VPS8: variants seen among roughly 807,000 people sequenced by gnomAD.
VPS8 encodes the protein vacuolar protein sorting-associated protein 8 homolog.
Under a neutral mutation model 216.4 loss-of-function variants are expected in VPS8, and 129 were observed. The ratio of observed to expected loss-of-function variants is 0.60; its 90% CI spans 0.52 to 0.69. The LOEUF (loss-of-function observed/expected upper bound fraction) is 0.69. Among genes scored for constraint, VPS8 ranks in the 30% least tolerant of loss-of-function variants. VPS8 has a pLI of 0.00. For synonymous variants in VPS8, 571 were observed against 565.4 expected, an observed-to-expected ratio of 1.01 and a Z score of -0.14; for missense variants, 1,531 against 1,683.5, an observed-to-expected ratio of 0.91 and a Z score of 1.59.
At chr3:184,814,853 TTA>T (rs1715963645) in intron 1 of VPS8, among the ~76,000 whole-genome samples, 1 of 152,270 alleles carries the variant, frequency 6.6e-6, no homozygotes, top group South Asian at 2.1e-4. Context: ...AATGTAACTT[TTA>T]TGTTATAAAC....
At chr3:184,820,832 A>G (rs1254226969) in intron 1 of VPS8, among the ~76,000 whole-genome samples, 1 of 152,256 alleles carries the variant, frequency 6.6e-6, no homozygotes, top group Non-Finnish European at 1.5e-5. Context: ...ACATGATTTT[A>G]GAATGAGTTA....
chr3:184,929,296 C>T (rs1740252357), intron 32 of VPS8, among the ~76,000 whole-genome samples: 1 of 152,158 alleles, frequency 6.6e-6, no homozygotes, highest in Non-Finnish European at 1.5e-5. Context: ...TGGTCTCAAG[C>T]AATCCTCCTG....
intron 45 of VPS8, among the ~76,000 whole-genome samples, chr3:185,014,886 G>A (rs935601212): frequency 1.1e-4 from 16 of 152,182 alleles, no homozygotes; most frequent in African/African-American, 2.4e-4. Context: ...GCCCATCACC[G>A]CAAAACACTG....
chr3:184,818,315 T>C (rs1263190303), intron 1 of VPS8, among the ~76,000 whole-genome samples: 3 of 152,054 alleles, frequency 2.0e-5, no homozygotes, highest in Non-Finnish European at 4.4e-5. Flanking sequence ...TCAGATGGCT[T>C]GAGCCCAGGA....
intron 42 of VPS8, among the ~76,000 whole-genome samples, chr3:184,988,438 C>T (rs560482687): frequency 6.6e-6 from 1 of 152,310 alleles, no homozygotes; most frequent in South Asian, 2.1e-4. Context: ...CTGTCCCTTT[C>T]TCCATTGAAT....
In VPS8 at chr3:184,854,137, A is replaced by G. The variant is rs372371893; in HGVS notation, c.999A>G (p.Pro333=). The stretch of plus-strand genomic sequence containing the variant: ...AGATACTGGTCATTGGATTGAAACC[A>G]TCCTTGAAAGTATGGATGACTTTTC... The part of the protein sequence containing the change: ...LTKILVIGLK[P]SLKVWMTFPY... Residue 333 remains proline, a synonymous_variant, in exon 13 of 48, where the codon CCA becomes CCG. Transcript: ENST00000625842. 24 of 1,613,710 alleles carry G rather than the reference A, an allele frequency of 1.5e-5. 1 individual carries two copies. The South Asian group carries it at 1.8e-4, about 12-fold the overall frequency.
intron 45 of VPS8, among the ~76,000 whole-genome samples, chr3:185,009,936 A>G (rs1374506927): frequency 2.7e-5 from 4 of 146,044 alleles, no homozygotes; most frequent in African/African-American, 7.6e-5. Flanking sequence ...TATTCAGTTG[A>G]GTACTTACCC....
Position 184,814,530 on chromosome 3 carries a change from T to C in VPS8, c.-89+2305T>C, listed in dbSNP as rs562456153. Among the ~76,000 whole-genome samples the C allele has an allele frequency of 6.6e-5, 10 of 152,366 alleles. No homozygotes were observed. In the South Asian group the frequency reaches 1.4e-3, roughly 22 times the overall value. Reference sequence around the variant, plus strand: ...TGCTAGGCTATAAACCAGCACAGCATGTTACTGTACTGAATACTGTAGGTG... The same window carrying C: ...TGCTAGGCTATAAACCAGCACAGCACGTTACTGTACTGAATACTGTAGGTG... On this transcript the variant is annotated intron_variant, in intron 1 of 47. Coordinates refer to ENST00000625842, the MANE Select transcript of VPS8 (RefSeq NM_001009921.3).
chr3:184,888,622 AAG>A (rs1409207335), intron 22 of VPS8, among the ~76,000 whole-genome samples: 2 of 152,206 alleles, frequency 1.3e-5, no homozygotes, highest in Admixed American at 1.3e-4. Context: ...ATACAGTGTA[AAG>A]AGAGAAAATG....
At chr3:184,840,427 AT>A (rs1369136433) in intron 7 of VPS8, 3 of 152,100 alleles carry the variant, frequency 2.0e-5, no homozygotes, top group Non-Finnish European at 4.4e-5. Flanking sequence ...GTGGCCGGGC[AT>A]GGTGGCTCAC....
At chr3:184,921,304 T>C (rs1209884666) in intron 29 of VPS8, among the ~76,000 whole-genome samples, 1 of 152,254 alleles carries the variant, frequency 6.6e-6, no homozygotes, top group East Asian at 1.9e-4. Context: ...AGATTCCTTC[T>C]GTCTTAGTAT....
At chr3:184,960,979 G>A (rs1398471682) in intron 37 of VPS8, among the ~76,000 whole-genome samples, 1 of 152,108 alleles carries the variant, frequency 6.6e-6, no homozygotes, top group Non-Finnish European at 1.5e-5. Flanking sequence ...TTTTAGTAAA[G>A]TCAGCTTTAT....
At chr3:185,033,070 C>T (rs1758400798) in intron 46 of VPS8, among the ~76,000 whole-genome samples, 1 of 152,120 alleles carries the variant, frequency 6.6e-6, no homozygotes, top group Non-Finnish European at 1.5e-5. Context: ...CCACAGTTGC[C>T]CCTATTATTA....
intron 37 of VPS8, among the ~76,000 whole-genome samples, chr3:184,962,761 G>GTGTGTGTGTGTGTGTGTGTTTGTT (rs1324151343): frequency 3.2e-5 from 3 of 93,008 alleles, no homozygotes; most frequent in African/African-American, 9.8e-5. Flanking sequence ...GTGTGTGTGT[G>GTGTGTGTGTGTGTGTGTGTTTGTT]TGTGTCTTAT....
chr3:184,943,092 A>C (rs1381533747), intron 36 of VPS8, among the ~76,000 whole-genome samples: 1 of 152,122 alleles, frequency 6.6e-6, no homozygotes, highest in Non-Finnish European at 1.5e-5. Context: ...CACTTCTTCA[A>C]GCTCTTTGCA....
intron 28 of VPS8, among the ~76,000 whole-genome samples, chr3:184,917,997 A>G (rs753050633): frequency 6.6e-6 from 1 of 152,188 alleles, no homozygotes; most frequent in Non-Finnish European, 1.5e-5. Flanking sequence ...TAGGTTCTCA[A>G]CATGAATTTG....
At chr3:185,014,164 C>G in intron 45 of VPS8, among the ~76,000 whole-genome samples, 1 of 152,198 alleles carries the variant, frequency 6.6e-6, no homozygotes, top group Non-Finnish European at 1.5e-5. Context: ...TGAAGGAATA[C>G]TCACGGCAAT....
chr3:184,824,722 A>G lies in VPS8; in HGVS notation c.90A>G (p.Glu30=). ...EEELNKSFNL[E]ASLSKFSYID... ...AGCTGAATAAGTCTTTCAATCTAGA[A>G]GCTTCACTTTCAAAATTCTCTTACA... Residue 30 remains glutamate (E), a synonymous_variant, in exon 2 of 48, where the codon GAA becomes GAG. Coordinates refer to ENST00000625842, the MANE Select transcript of VPS8 (RefSeq NM_001009921.3). 6.2e-7 allele frequency: 1 copy of G among 1,613,880 alleles called. No individual in the cohort carries two copies. Among genetic ancestry groups the G allele is most frequent in the Non-Finnish European group, 8.5e-7 (1 of 1,179,830 alleles).
chr3:185,019,358 A>G (rs1199135493), intron 45 of VPS8, among the ~76,000 whole-genome samples: 2 of 152,092 alleles, frequency 1.3e-5, no homozygotes, highest in African/African-American at 2.4e-5. Context: ...ACACACACAC[A>G]CACACACACA....
Sources: gnomAD v4.1 joint callset for allele counts (sites outside exome capture counted in the v4.1 genomes callset) on GRCh38, gnomAD v4.1.1 for gene constraint, MANE v1.5 for transcripts, NCBI Gene and HGNC (gene_info 2026-07-23, HGNC 2026-07-21) for gene names.